Variants in NCOA2 observed in about 807,000 individuals in gnomAD.
NCOA2 encodes class E basic helix-loop-helix protein 75.
A neutral mutation model predicts 145.1 loss-of-function variants in NCOA2; 21 were observed. The ratio of observed to expected loss-of-function variants is 0.14; its 90% CI spans 0.10 to 0.21. The LOEUF (loss-of-function observed/expected upper bound fraction) is 0.21, where lower values mean the gene tolerates loss of function less well. Ranked by LOEUF, NCOA2 falls within the 10% of genes least tolerant of loss-of-function variation. The pLI, the probability that NCOA2 is intolerant of heterozygous loss-of-function variation, is 1.00. For synonymous variants in NCOA2, 619 were observed against 637.5 expected, an observed-to-expected ratio of 0.97 and a Z score of 0.44; for missense variants, 1,472 against 1,837.6, an observed-to-expected ratio of 0.80 and a Z score of 3.64.
At chr8:70,240,777 G>C (rs1822059055) in intron 2 of NCOA2, among the ~76,000 whole-genome samples, 1 of 152,144 alleles carries the variant, frequency 6.6e-6, no homozygotes, top group Non-Finnish European at 1.5e-5. Flanking sequence ...AGATGACTAA[G>C]ATGATGTGAC....
the NCOA2 span, among the ~76,000 whole-genome samples, chr8:70,456,071 C>G: frequency 6.8e-6 from 1 of 147,640 alleles, no homozygotes; most frequent in Non-Finnish European, 1.5e-5. Context: ...TGTAACATTG[C>G]GTAGCAAAAA....
At chr8:70,231,186 T>C (rs545383606) in intron 2 of NCOA2, among the ~76,000 whole-genome samples, 1 of 152,384 alleles carries the variant, frequency 6.6e-6, no homozygotes, top group African/African-American at 2.4e-5. Context: ...TAGCAGAGTA[T>C]GCGAGTTCCC....
chr8:70,174,898 T>G (rs528327611), intron 4 of NCOA2, 39 bp from the exon 5 acceptor site: 11 of 1,551,640 alleles, frequency 7.1e-6, no homozygotes, highest in Admixed American at 5.0e-5. Context: ...GGCAGTGCTA[T>G]TTCAAGGACA....
chr8:70,395,179 G>A (rs1419265202), intron 1 of NCOA2, among the ~76,000 whole-genome samples: 1 of 152,206 alleles, frequency 6.6e-6, no homozygotes, highest in Non-Finnish European at 1.5e-5. Context: ...AAGATAAAAG[G>A]AGGTAGAGGA....
At chr8:70,445,490 C>T in the NCOA2 span, among the ~76,000 whole-genome samples, 1 of 152,160 alleles carries the variant, frequency 6.6e-6, no homozygotes, top group Non-Finnish European at 1.5e-5. Context: ...AGGAGCTGAT[C>T]TCACTGAGAA....
chr8:70,146,862 A>T (rs1442158151), intron 12 of NCOA2, among the ~76,000 whole-genome samples: 1 of 150,586 alleles, frequency 6.6e-6, no homozygotes, highest in Non-Finnish European at 1.5e-5. Flanking sequence ...TGCCCAGCAA[A>T]TTTTTTGTAG....
chr8:70,424,266 C>T, the NCOA2 span: 3 of 382,978 alleles, frequency 7.8e-6, no homozygotes, highest in Non-Finnish European at 1.5e-5. Flanking sequence ...CTTCACGGAG[C>T]TTGTTATCCA....
upstream of NCOA2, among the ~76,000 whole-genome samples, chr8:70,406,479 A>T (rs1450460117): frequency 6.6e-6 from 1 of 152,222 alleles, no homozygotes; most frequent in Non-Finnish European, 1.5e-5. Context: ...AGGCAAAGAT[A>T]TAGGAACTAG....
intron 1 of NCOA2, among the ~76,000 whole-genome samples, chr8:70,349,497 T>C (rs751715663): frequency 2.0e-5 from 3 of 152,072 alleles, no homozygotes; most frequent in Non-Finnish European, 4.4e-5. Context: ...TGTCAATAGA[T>C]GCAAACTAGA....
At chr8:70,296,894 T>A (rs1317029950) in intron 1 of NCOA2, 94 bp from the exon 2 acceptor site, 1 of 152,236 alleles carries the variant, frequency 6.6e-6, no homozygotes, top group Non-Finnish European at 1.5e-5. Context: ...ATTTTCAAAG[T>A]AATACTTGTT....
At chr8:70,203,671 G>A (rs1002315450) in intron 4 of NCOA2, among the ~76,000 whole-genome samples, 1 of 152,012 alleles carries the variant, frequency 6.6e-6, no homozygotes, top group South Asian at 2.1e-4. Context: ...TGGTATTTGT[G>A]CTCTTATATC....
At position 70,254,869 on chromosome 8, in the gene NCOA2, T is replaced by C. The variant is rs868283430; in HGVS notation, c.-19-38105A>G. Among the ~76,000 whole-genome samples the C allele has an allele frequency of 6.6e-5, 10 of 152,342 alleles. 2 individuals are homozygous for C. In the Middle Eastern group the frequency reaches 0.024, roughly 363 times the overall value. Reference sequence around the variant, plus strand: ...AGAATGGTTAAAAGGGTCAATTTTATGTATATTTTATCATACTTTTTTGAA... The same window carrying C: ...AGAATGGTTAAAAGGGTCAATTTTACGTATATTTTATCATACTTTTTTGAA... On this transcript the variant is annotated intron_variant, in intron 2 of 22. Transcript: ENST00000452400.
intron 4 of NCOA2, among the ~76,000 whole-genome samples, chr8:70,206,487 G>C (rs903555955): frequency 6.6e-6 from 1 of 151,930 alleles, no homozygotes; most frequent in African/African-American, 2.4e-5. Context: ...ATTTTTTCTT[G>C]TTGTTTCATT....
intron 4 of NCOA2, among the ~76,000 whole-genome samples, chr8:70,179,075 A>T (rs934121505): frequency 1.3e-5 from 2 of 152,222 alleles, no homozygotes; most frequent in Non-Finnish European, 2.9e-5. Context: ...ATTTATATAT[A>T]TTAAGAGAAT....
intron 2 of NCOA2, among the ~76,000 whole-genome samples, chr8:70,226,358 G>A (rs1243392934): frequency 6.6e-6 from 1 of 151,894 alleles, no homozygotes; most frequent in Non-Finnish European, 1.5e-5. Flanking sequence ...TAAAACCTAG[G>A]CAAACCAAAC....
At chr8:70,282,132 A>C (rs1402390368) in intron 2 of NCOA2, among the ~76,000 whole-genome samples, 3 of 152,218 alleles carry the variant, frequency 2.0e-5, no homozygotes, top group Admixed American at 6.5e-5. Context: ...GCTGATTTCT[A>C]ATTTCCTGAG....
At chr8:70,298,493 T>C (rs1286167732) in intron 1 of NCOA2, among the ~76,000 whole-genome samples, 1 of 152,160 alleles carries the variant, frequency 6.6e-6, no homozygotes, top group Non-Finnish European at 1.5e-5. Flanking sequence ...AGTCAGTGAA[T>C]AGTGTGCAAT....
At chr8:70,423,402 G>A in the NCOA2 span, among the ~76,000 whole-genome samples, 1 of 151,990 alleles carries the variant, frequency 6.6e-6, no homozygotes, top group Non-Finnish European at 1.5e-5. Flanking sequence ...AGGCTGGTCT[G>A]GAACTCCTGA....
At chr8:70,132,400 G>A (rs972799537) in intron 15 of NCOA2, among the ~76,000 whole-genome samples, 2 of 152,126 alleles carry the variant, frequency 1.3e-5, no homozygotes, top group African/African-American at 2.4e-5. Context: ...TAGGAATCAC[G>A]GATTGACTTA....
Sources: allele counts gnomAD v4.1 joint callset (sites outside exome capture counted in the v4.1 genomes callset), GRCh38; gene constraint gnomAD v4.1.1; transcripts MANE v1.5; gene names NCBI Gene and HGNC (gene_info 2026-07-23, HGNC 2026-07-21).